Variants in RUBCNL observed in about 807,000 individuals in gnomAD.
The protein encoded by RUBCNL is protein associated with UVRAG as autophagy enhancer.
In RUBCNL, 62 loss-of-function variants were observed where a neutral mutation model predicts 69.5. The observed-to-expected ratio is 0.89, with a 90% confidence interval of 0.73 to 1.10. The LOEUF is 1.10. RUBCNL is among the 50% of genes least tolerant of loss of function. RUBCNL has a pLI of 0.00. For synonymous variants in RUBCNL, 291 were observed against 303.6 expected, an observed-to-expected ratio of 0.96 and a Z score of 0.43; for missense variants, 768 against 798.1, an observed-to-expected ratio of 0.96 and a Z score of 0.45.
intron 6 of RUBCNL, 84 bp from the exon 7 acceptor site, chr13:46,362,682 C>A: frequency 1.1e-6 from 1 of 905,548 alleles, no homozygotes; most frequent in Admixed American, 2.1e-5. Context: ...ACACTAAAAT[C>A]ACTCCCTGCA....
At chr13:46,364,040 G>A (rs2048692636) in intron 5 of RUBCNL, among the ~76,000 whole-genome samples, 1 of 151,714 alleles carries the variant, frequency 6.6e-6, no homozygotes, top group African/African-American at 2.4e-5. Context: ...ATAAACATAG[G>A]AGAGAAACAC....
intron 12 of RUBCNL, among the ~76,000 whole-genome samples, chr13:46,348,706 C>T (rs190203086): frequency 3.8e-4 from 57 of 151,206 alleles, no homozygotes; most frequent in African/African-American, 7.3e-4. Flanking sequence ...CAGGTTCAAG[C>T]GATTCTCCTG....
upstream of RUBCNL, chr13:46,387,911 A>G: frequency 2.1e-6 from 2 of 950,068 alleles, no homozygotes; most frequent in Non-Finnish European, 2.5e-6. Flanking sequence ...TGTCACGAAT[A>G]GAAACCTAAG....
intron 2 of RUBCNL, among the ~76,000 whole-genome samples, chr13:46,377,689 C>A (rs868028248): frequency 6.6e-6 from 1 of 152,234 alleles, no homozygotes; most frequent in African/African-American, 2.4e-5. Flanking sequence ...TAAAAAACAA[C>A]CGTCAAAAGC....
Position 46,335,070 on chromosome 13 carries a change from CTT to C in RUBCNL, c.*8313_*8314del, listed in dbSNP as rs548743154. 2.1e-5 allele frequency among the ~76,000 whole-genome samples: 3 copies of C among 143,998 alleles called. No homozygotes were observed. The highest frequency in any genetic ancestry group is 1.5e-5 in the Non-Finnish European group (1 of 65,298). The allele number at this position is 143,998 out of a possible 152,430, so 94.5% of individuals were successfully genotyped here. On this transcript the variant is annotated 3_prime_UTR_variant, in exon 15 of 15. Coordinates refer to ENST00000429979, the MANE Select transcript of RUBCNL (RefSeq NM_025113.5). The stretch of plus-strand genomic sequence containing the variant: ...AACCTACTTGGGTAAAGAATTTGGA[CTT>C]TTTTTTTTTTGAGATGGGGTCTCAC...
rs2049032341 is a variant in RUBCNL, at chr13:46,377,922, A to C, written c.-155T>G. ...ATGAATTTCTCGAAGAGGCAGATTG[A>C]CACAGAGGAGAAAGTAATGATTGGA... On this transcript the variant is annotated 5_prime_UTR_variant, in exon 2 of 15. Transcript: ENST00000429979. The C allele has an allele frequency of 6.2e-7, 1 of 1,609,860 alleles. No individual in the cohort carries two copies. The highest frequency in any genetic ancestry group is 1.1e-5 in the South Asian group (1 of 90,310).
chr13:46,363,424 T>A lies in RUBCNL; in HGVS notation c.827-211A>T, dbSNP rs563612894. Among the ~76,000 whole-genome samples, 4 of 152,210 alleles carry A rather than the reference T, an allele frequency of 2.6e-5. 1 individual carries two copies. In the South Asian group the frequency reaches 8.3e-4, roughly 32 times the overall value. On this transcript the variant is annotated intron_variant, in intron 5 of 14. Coordinates refer to ENST00000429979, the MANE Select transcript of RUBCNL (RefSeq NM_025113.5). ...GATTAAGTGCCTGTAGTCCCAGCTA[T>A]TCGGAAGGCTTTCATCACAAAGAAG...
intron 1 of RUBCNL, among the ~76,000 whole-genome samples, chr13:46,383,109 TGGGAGAA>T (rs1338588173): frequency 6.6e-6 from 1 of 152,264 alleles, no homozygotes; most frequent in Non-Finnish European, 1.5e-5. Context: ...CTGCCGAAGC[TGGGAGAA>T]GGGAGAAGGT....
At chr13:46,349,090 A>G (rs944773033) in intron 12 of RUBCNL, among the ~76,000 whole-genome samples, 196 bp downstream of exon 12, 3 of 152,208 alleles carry the variant, frequency 2.0e-5, no homozygotes, top group Non-Finnish European at 4.4e-5. Context: ...TGACTTTATT[A>G]GCTACTTGAG....
intron 2 of RUBCNL, chr13:46,374,304 C>T (rs983608124): frequency 6.6e-6 from 1 of 152,350 alleles, no homozygotes; most frequent in East Asian, 1.9e-4. Flanking sequence ...ATCTTGAACT[C>T]CTGACCTTGT....
chr13:46,365,840 T>C (rs2048742630), intron 5 of RUBCNL, among the ~76,000 whole-genome samples: 1 of 152,180 alleles, frequency 6.6e-6, no homozygotes, highest in Non-Finnish European at 1.5e-5. Flanking sequence ...CAAAAAGTTG[T>C]GATCCAGGAA....
In RUBCNL at chr13:46,341,468, T is replaced by C. The variant is rs2048141902; in HGVS notation, c.*1917A>G. 6.6e-6 allele frequency among the ~76,000 whole-genome samples: 1 copy of C among 152,216 alleles called. No homozygotes were observed. Among genetic ancestry groups the C allele is most frequent in the Admixed American group, 6.5e-5 (1 of 15,286 alleles). On this transcript the variant is annotated 3_prime_UTR_variant, in exon 15 of 15. Transcript: ENST00000429979. ...ACAAAGTCTCAGACAAATCCCATAC[T>C]GCAGTTATTTAAATGACCTCATTCT...
intron 5 of RUBCNL, among the ~76,000 whole-genome samples, chr13:46,365,272 C>T (rs1225717837): frequency 3.5e-5 from 5 of 144,518 alleles, no homozygotes; most frequent in East Asian, 2.0e-4. Flanking sequence ...CACTCTACTC[C>T]GGCCTGGGCA....
At chr13:46,379,358 G>A (rs995588922) in intron 1 of RUBCNL, among the ~76,000 whole-genome samples, 1 of 152,204 alleles carries the variant, frequency 6.6e-6, no homozygotes, top group Non-Finnish European at 1.5e-5. Context: ...TTACAGGTAT[G>A]AGCCACCGCA....
In RUBCNL at chr13:46,350,116, C is replaced by A; in HGVS notation, c.1566G>T (p.Val522=). Residue 522 remains valine, a synonymous_variant, in exon 11 of 15, where the codon GTG becomes GTT. Transcript: ENST00000429979. ...TGGGGTTGGGGCTGCGGCTCACCTT[C>A]ACTCTGTCCAGCTCCTTGGCTTTCG... ...LYAKAKELDR[V]KEIQEQLFHI... The A allele has an allele frequency of 6.4e-7, 1 of 1,555,844 alleles. No individual in the cohort carries two copies. Among genetic ancestry groups the A allele is most frequent in the Admixed American group, 1.9e-5 (1 of 52,454 alleles).
rs930097434 is a variant in RUBCNL, at chr13:46,372,161, A to T, written c.315T>A (p.Ser105=). 1 of 1,613,924 alleles carries T rather than the reference A, an allele frequency of 6.2e-7. No homozygotes were observed. The highest frequency in any genetic ancestry group is 1.3e-5 in the African/African-American group (1 of 74,940). Reference sequence around the variant, plus strand: ...TGCCAACGGAGTCTGTGGTATCCTCAGACAACGTTGTCTCTGCCAGGGAGT... The same window carrying T: ...TGCCAACGGAGTCTGTGGTATCCTCTGACAACGTTGTCTCTGCCAGGGAGT... ...LGDSLAETTL[S]EDTTDSVGSA... The change falls in exon 3 of 15, where the codon TCT becomes TCA. Residue 105 remains serine, a synonymous_variant. Coordinates refer to ENST00000429979, the MANE Select transcript of RUBCNL (RefSeq NM_025113.5).
chr13:46,377,304 C>T (rs1474106001), intron 2 of RUBCNL, among the ~76,000 whole-genome samples: 1 of 152,204 alleles, frequency 6.6e-6, no homozygotes, highest in Non-Finnish European at 1.5e-5. Flanking sequence ...CGATCTGTTG[C>T]CCAGGCTGGA....
chr13:46,355,197 C>A (rs920069424), intron 10 of RUBCNL, among the ~76,000 whole-genome samples: 1 of 152,126 alleles, frequency 6.6e-6, no homozygotes, highest in African/African-American at 2.4e-5. Flanking sequence ...CTCTTTCCAG[C>A]CTTTTGCAGG....
intron 5 of RUBCNL, among the ~76,000 whole-genome samples, chr13:46,363,660 C>T (rs1341146516): frequency 6.6e-6 from 1 of 151,830 alleles, no homozygotes; most frequent in Non-Finnish European, 1.5e-5. Flanking sequence ...CAAGTCCAGC[C>T]TGGGCAACAT....
Sources: gnomAD v4.1 joint callset for allele counts (sites outside exome capture counted in the v4.1 genomes callset) on GRCh38, gnomAD v4.1.1 for gene constraint, MANE v1.5 for transcripts, NCBI Gene and HGNC (gene_info 2026-07-23, HGNC 2026-07-21) for gene names.